Variants in NMNAT3 observed in about 807,000 individuals in gnomAD.
The protein encoded by NMNAT3 is nicotinamide/nicotinic acid mononucleotide adenylyltransferase 3.
Under a neutral mutation model 24.8 loss-of-function variants are expected in NMNAT3, and 21 were observed. The observed-to-expected ratio is 0.85, with a 90% CI of 0.60 to 1.22. NMNAT3 has a LOEUF of 1.22. Ranked by LOEUF, NMNAT3 falls within the 50% of genes most tolerant of loss-of-function variation. NMNAT3 has a pLI of 0.00. For missense variants in NMNAT3, 387 were observed against 436.6 expected (o/e 0.89, Z 1.01); for synonymous variants, 136 against 155.2 (o/e 0.88, Z 0.92).
intron 1 of NMNAT3, among the ~76,000 whole-genome samples, chr3:139,663,676 A>G (rs572991964): frequency 6.6e-6 from 1 of 152,186 alleles, no homozygotes; most frequent in Non-Finnish European, 1.5e-5. Flanking sequence ...TCCAGCAGCT[A>G]GTTCATGACC....
intron 1 of NMNAT3, among the ~76,000 whole-genome samples, chr3:139,669,099 A>G (rs1186600365): frequency 6.6e-6 from 1 of 152,200 alleles, no homozygotes; most frequent in Non-Finnish European, 1.5e-5. Flanking sequence ...AAAGACATAG[A>G]GAGTGTTTCT....
At chr3:139,667,006 G>A (rs1347403177) in intron 1 of NMNAT3, among the ~76,000 whole-genome samples, 2 of 152,184 alleles carry the variant, frequency 1.3e-5, no homozygotes, top group Non-Finnish European at 2.9e-5. Context: ...CATGCTGATG[G>A]ACATTTAGGT....
At chr3:139,673,253 C>A (rs559577852) in intron 1 of NMNAT3, among the ~76,000 whole-genome samples, 1 of 152,170 alleles carries the variant, frequency 6.6e-6, no homozygotes, top group African/African-American at 2.4e-5. Flanking sequence ...TGCTGCTACC[C>A]AAGATGAGAT....
intron 1 of NMNAT3, among the ~76,000 whole-genome samples, chr3:139,666,977 T>C (rs796670426): frequency 1.2e-4 from 18 of 152,318 alleles, no homozygotes; most frequent in African/African-American, 4.1e-4. Flanking sequence ...TTTTCTTTAT[T>C]GATTGATAGA....
intron 3 of NMNAT3, among the ~76,000 whole-genome samples, chr3:139,589,197 G>A (rs572663340): frequency 6.6e-6 from 1 of 152,250 alleles, no homozygotes; most frequent in South Asian, 2.1e-4. Context: ...AAAGACTAGA[G>A]GTTTAATATA....
chr3:139,584,763 G>A (rs749434038), intron 3 of NMNAT3, among the ~76,000 whole-genome samples: 3 of 152,110 alleles, frequency 2.0e-5, no homozygotes, highest in East Asian at 1.9e-4. Flanking sequence ...AATGTCCTAC[G>A]TGTGCTTAAA....
At position 139,576,534 on chromosome 3, in the gene NMNAT3, G is replaced by A. The variant is rs559400577; in HGVS notation, c.575+2338C>T. 2.0e-5 allele frequency among the ~76,000 whole-genome samples: 3 copies of A among 152,264 alleles called. No homozygotes were observed. In the East Asian group the frequency reaches 5.8e-4, roughly 29 times the overall value. ...GCTTATTAAGTGATTTCTGCAGCCA[G>A]AGTTGAGACCACTGGTTTGGATGCA... On this transcript the variant is annotated intron_variant, in intron 5 of 6. Transcript: ENST00000643695.
At chr3:139,619,030 A>G (rs1576661889) in intron 3 of NMNAT3, among the ~76,000 whole-genome samples, 3 of 152,258 alleles carry the variant, frequency 2.0e-5, no homozygotes, top group African/African-American at 7.2e-5. Context: ...TGCTGCCTAA[A>G]CTGTGCCTGG....
intron 3 of NMNAT3, among the ~76,000 whole-genome samples, chr3:139,591,273 CG>C (rs1232713940): frequency 4.6e-5 from 7 of 151,826 alleles, no homozygotes. Flanking sequence ...GCTTAAGAAA[CG>C]GCGCACGACG....
At chr3:139,572,859 C>T (rs1303515211) in intron 6 of NMNAT3, among the ~76,000 whole-genome samples, 1 of 152,238 alleles carries the variant, frequency 6.6e-6, no homozygotes, top group African/African-American at 2.4e-5. Flanking sequence ...TAAACCCCAG[C>T]ATTCCTAAAC....
chr3:139,637,186 G>A (rs979403969), intron 2 of NMNAT3: 6 of 152,166 alleles, frequency 3.9e-5, no homozygotes, highest in African/African-American at 1.4e-4. Flanking sequence ...TAATCTTAGT[G>A]GCTTAAAACA....
chr3:139,575,260 T>C (rs1378470729), intron 5 of NMNAT3, among the ~76,000 whole-genome samples: 1 of 151,990 alleles, frequency 6.6e-6, no homozygotes, highest in Non-Finnish European at 1.5e-5. Flanking sequence ...CTCAGCAGAG[T>C]CTTCTTAGAG....
chr3:139,583,195 C>CT lies in NMNAT3; in HGVS notation c.122dup (p.Asp42GlyfsTer3). Reference sequence around the variant, plus strand: ...GAAAAACAAGTGCAACTTCATGGTCCTTTTCTTCATATTCTGGAATACAAG... The same window carrying CT: ...GAAAAACAAGTGCAACTTCATGGTCCTTTTTCTTCATATTCTGGAATACAAG... On this transcript the variant is annotated frameshift_variant, in exon 4 of 7. Coordinates refer to ENST00000643695, the MANE Select transcript of NMNAT3 (RefSeq NM_001320510.2). LOFTEE classifies it high-confidence loss of function. 8.2e-7 allele frequency: 1 copy of CT among 1,214,988 alleles called. No individual in the cohort carries two copies. Among genetic ancestry groups the CT allele is most frequent in the Non-Finnish European group, 1.2e-6 (1 of 823,324 alleles). The allele number at this position is 1,214,988 out of a possible 1,614,324, so 75.3% of individuals were successfully genotyped here.
At chr3:139,647,985 C>T (rs1256184635) in intron 1 of NMNAT3, among the ~76,000 whole-genome samples, 2 of 152,236 alleles carry the variant, frequency 1.3e-5, no homozygotes, top group Non-Finnish European at 2.9e-5. Context: ...CTGAATTCAA[C>T]TTCCTGCCTG....
chr3:139,593,881 CT>C (rs1451243131), intron 3 of NMNAT3, among the ~76,000 whole-genome samples: 1 of 144,926 alleles, frequency 6.9e-6, no homozygotes, highest in Non-Finnish European at 1.5e-5. Context: ...AATTGACACC[CT>C]AACATCACAA....
At chr3:139,651,420 A>G (rs2057052317) in intron 1 of NMNAT3, among the ~76,000 whole-genome samples, 1 of 152,170 alleles carries the variant, frequency 6.6e-6, no homozygotes, top group Non-Finnish European at 1.5e-5. Flanking sequence ...CAATGATTCC[A>G]TATATATTCA....
In NMNAT3 at chr3:139,594,084, AAG is replaced by A. The variant is rs921087983; in HGVS notation, c.110-10878_110-10877del. Among the ~76,000 whole-genome samples, 3 of 152,328 alleles carry A rather than the reference AAG, an allele frequency of 2.0e-5. No individual in the cohort carries two copies. The East Asian group carries it at 5.8e-4, about 29-fold the overall frequency. On this transcript the variant is annotated intron_variant, in intron 3 of 6. Coordinates refer to ENST00000643695, the MANE Select transcript of NMNAT3 (RefSeq NM_001320510.2). ...CACTAGCAAGACTAATAAAGAAAAA[AAG>A]AGAGAATAATCAAATAGACGCAATA...
At chr3:139,582,639 CAAAAAAAA>C (rs58495559) in intron 4 of NMNAT3, among the ~76,000 whole-genome samples, 3 of 57,476 alleles carry the variant, frequency 5.2e-5, no homozygotes, top group Non-Finnish European at 8.5e-5. Flanking sequence ...GGGACTGTCT[CAAAAAAAA>C]AAAAAAAAAA....
chr3:139,600,462 C>G (rs751014271), intron 3 of NMNAT3, among the ~76,000 whole-genome samples: 1 of 152,004 alleles, frequency 6.6e-6, no homozygotes, highest in Non-Finnish European at 1.5e-5. Context: ...CCCACCACCA[C>G]GCTGGCTATT....
Sources: gnomAD v4.1 joint callset for allele counts (sites outside exome capture counted in the v4.1 genomes callset) on GRCh38, gnomAD v4.1.1 for gene constraint, MANE v1.5 for transcripts, NCBI Gene and HGNC (gene_info 2026-07-23, HGNC 2026-07-21) for gene names.